Variants in STAU2 observed in about 807,000 individuals in gnomAD.
STAU2 encodes the protein double-stranded RNA-binding protein Staufen homolog 2.
STAU2 carries 20 observed loss-of-function variants against 65.9 expected under a neutral mutation model. The ratio of observed to expected loss-of-function variants is 0.30; its 90% CI spans 0.21 to 0.44. The LOEUF (loss-of-function observed/expected upper bound fraction) is 0.44. STAU2 is among the 20% of genes least tolerant of loss of function. The pLI, the probability that STAU2 is intolerant of heterozygous loss-of-function variation, is 1.00. For synonymous variants in STAU2, 232 were observed against 233.9 expected (o/e 0.99, Z 0.07); for missense variants, 558 against 683.9 (o/e 0.82, Z 2.05).
chr8:73,516,743 ATTTAAG>A (rs1350762896), intron 13 of STAU2, among the ~76,000 whole-genome samples: 1 of 152,176 alleles, frequency 6.6e-6, no homozygotes, highest in Non-Finnish European at 1.5e-5. Context: ...CAACACCATA[ATTTAAG>A]TTTATGAGGA....
At chr8:73,571,789 A>G (rs1397225481) in intron 12 of STAU2, among the ~76,000 whole-genome samples, 2 of 152,244 alleles carry the variant, frequency 1.3e-5, no homozygotes, top group Non-Finnish European at 1.5e-5. Flanking sequence ...CCCACAAGAG[A>G]AAGCAGGAAA....
chr8:73,692,558 A>G (rs1819404163), intron 4 of STAU2, among the ~76,000 whole-genome samples: 2 of 152,176 alleles, frequency 1.3e-5, no homozygotes, highest in Admixed American at 1.3e-4. Flanking sequence ...ATAATAAACT[A>G]GTAAATATAA....
chr8:73,566,101 C>T (rs1048986011), intron 12 of STAU2, among the ~76,000 whole-genome samples: 1 of 152,202 alleles, frequency 6.6e-6, no homozygotes, highest in East Asian at 1.9e-4. Flanking sequence ...CAGATATTCT[C>T]CTTATCATGC....
At chr8:73,697,332 T>C (rs1819754934) in intron 4 of STAU2, 1 of 152,180 alleles carries the variant, frequency 6.6e-6, no homozygotes, top group African/African-American at 2.4e-5. Flanking sequence ...CTGGTGAAAA[T>C]ATCCTTTAAT....
At chr8:73,519,841 A>G (rs11786426) in intron 13 of STAU2, among the ~76,000 whole-genome samples, 49,185 of 152,152 alleles carry the variant, frequency 0.32, 8,185 homozygotes, top group Middle Eastern at 0.37. Flanking sequence ...CAAGGAGATC[A>G]CTGCCCAGTG....
At chr8:73,727,275 T>G (rs952658993) in intron 3 of STAU2, among the ~76,000 whole-genome samples, 2 of 152,110 alleles carry the variant, frequency 1.3e-5, no homozygotes, top group African/African-American at 4.8e-5. Context: ...CCAGTGGTAT[T>G]TAGTCCACTC....
intron 13 of STAU2, among the ~76,000 whole-genome samples, chr8:73,425,277 T>A (rs1798908348): frequency 6.6e-6 from 1 of 152,146 alleles, no homozygotes; most frequent in Non-Finnish European, 1.5e-5. Flanking sequence ...TGATCCAATA[T>A]AACTGGTATC....
intron 13 of STAU2, among the ~76,000 whole-genome samples, chr8:73,533,181 A>G (rs1055852640): frequency 6.6e-6 from 1 of 152,218 alleles, no homozygotes; most frequent in African/African-American, 2.4e-5. Context: ...TTGGTACTCT[A>G]AAATGTGAGC....
chr8:73,463,313 T>A (rs1455430915), intron 13 of STAU2, among the ~76,000 whole-genome samples: 1 of 152,260 alleles, frequency 6.6e-6, no homozygotes, highest in Non-Finnish European at 1.5e-5. Flanking sequence ...CTCGAACTGA[T>A]GAAATACAAA....
intron 13 of STAU2, among the ~76,000 whole-genome samples, chr8:73,445,327 C>T (rs1818411457): frequency 6.6e-6 from 1 of 152,038 alleles, no homozygotes; most frequent in Admixed American, 6.6e-5. Flanking sequence ...GGCAGCAGTC[C>T]CTTATTCATT....
At chr8:73,424,463 A>G (rs575416277) in intron 13 of STAU2, among the ~76,000 whole-genome samples, 3 of 152,086 alleles carry the variant, frequency 2.0e-5, no homozygotes, top group South Asian at 2.1e-4. Context: ...GGCCTCCCAA[A>G]CTGCTGGGAT....
intron 13 of STAU2, among the ~76,000 whole-genome samples, chr8:73,483,807 A>C (rs1176730902): frequency 6.6e-6 from 1 of 152,158 alleles, no homozygotes; most frequent in Non-Finnish European, 1.5e-5. Context: ...ATTGATACGC[A>C]GGACTTGGAG....
intron 13 of STAU2, among the ~76,000 whole-genome samples, chr8:73,530,764 T>A (rs920034276): frequency 6.6e-6 from 1 of 152,134 alleles, no homozygotes; most frequent in African/African-American, 2.4e-5. Context: ...AAGGAAGATA[T>A]GATCACTGCC....
chr8:73,524,012 A>T (rs11987360), intron 13 of STAU2, among the ~76,000 whole-genome samples: 2,134 of 152,182 alleles, frequency 0.014, 46 homozygotes, highest in African/African-American at 0.045. Context: ...GTGCCACTGC[A>T]CTCCAGCCTG....
At chr8:73,534,297 T>C (rs1002062270) in intron 13 of STAU2, among the ~76,000 whole-genome samples, 3 of 152,150 alleles carry the variant, frequency 2.0e-5, no homozygotes, top group African/African-American at 7.2e-5. Context: ...TGCACCTCAG[T>C]TGTACAAAGT....
intron 13 of STAU2, among the ~76,000 whole-genome samples, chr8:73,488,283 C>T (rs1231960049): frequency 6.6e-6 from 1 of 151,996 alleles, no homozygotes; most frequent in Non-Finnish European, 1.5e-5. Flanking sequence ...GCGCTTTTGA[C>T]ACTATGTTTA....
intron 13 of STAU2, among the ~76,000 whole-genome samples, chr8:73,505,555 C>CT (rs1474761537): frequency 6.6e-6 from 1 of 152,102 alleles, no homozygotes; most frequent in Non-Finnish European, 1.5e-5. Flanking sequence ...TTTTTCCACT[C>CT]TTTCTTCAAA....
At chr8:73,740,679 A>G (rs1437708082) in intron 1 of STAU2, among the ~76,000 whole-genome samples, 2 of 152,124 alleles carry the variant, frequency 1.3e-5, no homozygotes, top group Non-Finnish European at 2.9e-5. Context: ...AAAGCATCTC[A>G]GTGACTTAGT....
chr8:73,439,807 G>A (rs1278810349), intron 13 of STAU2: 1 of 152,274 alleles, frequency 6.6e-6, no homozygotes, highest in Non-Finnish European at 1.5e-5. Context: ...CGAGGAGACG[G>A]AGACCTAGAG....
Sources: gnomAD v4.1 joint callset for allele counts (sites outside exome capture counted in the v4.1 genomes callset) on GRCh38, gnomAD v4.1.1 for gene constraint, MANE v1.5 for transcripts, NCBI Gene and HGNC (gene_info 2026-07-23, HGNC 2026-07-21) for gene names.